The following TUSC3 variants were observed in gnomAD, a reference collection of about 807,000 sequenced individuals.
TUSC3 encodes tumor suppressor candidate 3, also known as dolichyl-diphosphooligosaccharide--protein glycosyltransferase subunit TUSC3.
In TUSC3, 45 loss-of-function variants were observed where a neutral mutation model predicts 44.8. The ratio of observed to expected loss-of-function variants is 1.00; its 90% confidence interval spans 0.79 to 1.29. TUSC3 has a LOEUF of 1.29. Among genes scored for constraint, TUSC3 ranks in the 50% most tolerant of loss-of-function variants. TUSC3 has a pLI of 0.00. For synonymous variants in TUSC3, 212 were observed against 152.9 expected, an observed-to-expected ratio of 1.39 and a Z score of -2.85; for missense variants, 519 against 437.9, an observed-to-expected ratio of 1.19 and a Z score of -1.65.
At chr8:15,646,479 A>G in intron 2 of TUSC3, among the ~76,000 whole-genome samples, 1 of 152,140 alleles carries the variant, frequency 6.6e-6, no homozygotes. Context: ...TGGAATACAG[A>G]GTTTGAAGGC....
At chr8:15,828,283 C>G in the TUSC3 span, among the ~76,000 whole-genome samples, 1 of 152,204 alleles carries the variant, frequency 6.6e-6, no homozygotes, top group Non-Finnish European at 1.5e-5. Context: ...GCATGAGCCA[C>G]CGCACCCAGC....
intron 10 of TUSC3, among the ~76,000 whole-genome samples, chr8:15,760,639 G>A (rs948777941): frequency 2.6e-5 from 4 of 152,276 alleles, no homozygotes; most frequent in African/African-American, 9.6e-5. Context: ...AGATATCAGT[G>A]CCTATGAATA....
In TUSC3 at chr8:15,511,516, A is replaced by C. The variant is rs530093506; in HGVS notation, n.189+28033A>C. 3.3e-5 allele frequency among the ~76,000 whole-genome samples: 5 copies of C among 152,310 alleles called. No individual in the cohort carries two copies. In the East Asian group the frequency reaches 5.8e-4, roughly 18 times the overall value. ...ACAGTCAGAACCTTAAATTTTAAAC[A>C]CAATACCACCAATTATAATAGCACC... is the stretch of plus-strand genomic sequence containing the variant. On this transcript the variant is annotated intron_variant and non_coding_transcript_variant, in intron 2 of 5. Transcript: ENST00000503191.
At chr8:15,581,178 T>A (rs1442436387) in intron 1 of TUSC3, among the ~76,000 whole-genome samples, 1 of 119,900 alleles carries the variant, frequency 8.3e-6, no homozygotes, top group Non-Finnish European at 1.7e-5. Context: ...TCAGCTCCTT[T>A]AAGCACTTCT....
chr8:15,826,735 G>C, the TUSC3 span, among the ~76,000 whole-genome samples: 1 of 151,250 alleles, frequency 6.6e-6, no homozygotes, highest in African/African-American at 2.4e-5. Flanking sequence ...GGCAGGAAGA[G>C]GAATGGGGAG....
At chr8:15,770,813 G>A (rs1019600270), downstream of TUSC3, among the ~76,000 whole-genome samples, 2 of 151,962 alleles carry the variant, frequency 1.3e-5, no homozygotes, top group South Asian at 2.1e-4. Context: ...GTATAAATAC[G>A]AGTCCCAGAA....
chr8:15,533,953 A>G (rs1344714133), intron 2 of TUSC3, among the ~76,000 whole-genome samples: 1 of 152,034 alleles, frequency 6.6e-6, no homozygotes, highest in Admixed American at 6.6e-5. Flanking sequence ...GTTTATGGTG[A>G]TGGCTGACAT....
chr8:15,762,809 G>A (rs1248009193), intron 10 of TUSC3, among the ~76,000 whole-genome samples: 1 of 152,054 alleles, frequency 6.6e-6, no homozygotes, highest in Non-Finnish European at 1.5e-5. Context: ...ATGTACAGCT[G>A]GCACATCTAT....
chr8:15,484,517 A>G (rs1157256195), intron 2 of TUSC3, among the ~76,000 whole-genome samples: 3 of 152,246 alleles, frequency 2.0e-5, no homozygotes, highest in African/African-American at 4.8e-5. Context: ...TTTTTGTGAG[A>G]TACATCTAAG....
intron 1 of TUSC3, among the ~76,000 whole-genome samples, chr8:15,460,077 G>C (rs1313476730): frequency 1.3e-5 from 2 of 152,102 alleles, no homozygotes; most frequent in East Asian, 1.9e-4. Context: ...TGGATCAAAT[G>C]GTAGTTCTAC....
intron 2 of TUSC3, among the ~76,000 whole-genome samples, chr8:15,513,390 C>A (rs1256575224): frequency 6.6e-6 from 1 of 151,990 alleles, no homozygotes; most frequent in East Asian, 1.9e-4. Flanking sequence ...TTTTATCTTT[C>A]CTAGGGATAT....
chr8:15,605,705 C>G (rs1449745996), intron 1 of TUSC3, among the ~76,000 whole-genome samples: 2 of 151,892 alleles, frequency 1.3e-5, no homozygotes, highest in East Asian at 1.9e-4. Flanking sequence ...ATACACAAAT[C>G]TATTATAAAA....
intron 1 of TUSC3, among the ~76,000 whole-genome samples, chr8:15,583,315 A>G (rs1803453291): frequency 6.6e-6 from 1 of 152,194 alleles, no homozygotes; most frequent in South Asian, 2.1e-4. Flanking sequence ...GTTCATAGTC[A>G]TTTTGTAATA....
At chr8:15,637,034 A>G (rs1483606346) in intron 2 of TUSC3, among the ~76,000 whole-genome samples, 1 of 152,160 alleles carries the variant, frequency 6.6e-6, no homozygotes, top group Non-Finnish European at 1.5e-5. Context: ...CTGCTATACT[A>G]TGTCTTACAG....
chr8:15,529,768 T>C (rs528934038), intron 2 of TUSC3, among the ~76,000 whole-genome samples: 1 of 150,154 alleles, frequency 6.7e-6, no homozygotes, highest in African/African-American at 2.4e-5. Context: ...TTGCCATATG[T>C]ATAGTAATTC....
intron 1 of TUSC3, among the ~76,000 whole-genome samples, chr8:15,568,367 A>G (rs557735005): frequency 6.6e-6 from 1 of 152,262 alleles, no homozygotes; most frequent in East Asian, 1.9e-4. Flanking sequence ...GGGAGCTTCT[A>G]TAGCTAGAGG....
chr8:15,536,025 A>AGTGTTTGTAACT (rs1427832489), upstream of TUSC3, among the ~76,000 whole-genome samples: 1 of 152,184 alleles, frequency 6.6e-6, no homozygotes, highest in Non-Finnish European at 1.5e-5. Context: ...AGCTATCATT[A>AGTGTTTGTAACT]GTGTTTGTAA....
chr8:15,462,225 C>T (rs1800355767), intron 1 of TUSC3, among the ~76,000 whole-genome samples: 1 of 152,104 alleles, frequency 6.6e-6, no homozygotes, highest in Non-Finnish European at 1.5e-5. Flanking sequence ...ATCATGTAAT[C>T]ATCACCATTC....
At chr8:15,762,921 C>T (rs1220003288) in intron 10 of TUSC3, among the ~76,000 whole-genome samples, 3 of 151,964 alleles carry the variant, frequency 2.0e-5, no homozygotes, top group Non-Finnish European at 4.4e-5. Context: ...TGGAGATGGT[C>T]ACCCTTATCG....
Sources: allele counts gnomAD v4.1 joint callset (sites outside exome capture counted in the v4.1 genomes callset), GRCh38; gene constraint gnomAD v4.1.1; transcripts MANE v1.5; gene names NCBI Gene and HGNC (gene_info 2026-07-23, HGNC 2026-07-21).